The following HAPLN3 variants were observed in gnomAD, a reference collection of about 807,000 sequenced individuals.
HAPLN3 encodes hyaluronan and proteoglycan link protein 3.
In HAPLN3, 28 loss-of-function variants were observed where a neutral mutation model predicts 28.1. The ratio of observed to expected loss-of-function variants is 1.00; its 90% CI spans 0.74 to 1.37. The LOEUF (loss-of-function observed/expected upper bound fraction) is 1.37, where lower values mean the gene tolerates loss of function less well. HAPLN3 is among the 40% of genes most tolerant of loss of function. The pLI, the probability that HAPLN3 is intolerant of heterozygous loss-of-function variation, is 0.00. For missense variants in HAPLN3, 513 were observed against 504.6 expected (o/e 1.02, Z -0.16); for synonymous variants, 211 against 213.1 (o/e 0.99, Z 0.09).
chr15:88,878,606 C>T (rs1474641773), intron 4 of HAPLN3, among the ~76,000 whole-genome samples: 1 of 152,230 alleles, frequency 6.6e-6, no homozygotes, highest in Non-Finnish European at 1.5e-5. Context: ...GCATATGACA[C>T]TGAACCAGTT....
chr15:88,887,830 T>G (rs780825463), intron 1 of HAPLN3, among the ~76,000 whole-genome samples: 1 of 151,670 alleles, frequency 6.6e-6, no homozygotes, highest in African/African-American at 2.4e-5. Context: ...AGGCATGGTG[T>G]CACATGTCTG....
rs750275528 is a variant in HAPLN3 at position 88,881,660 on chromosome 15, C to T, written c.190G>A (p.Ala64Thr). 19 of 1,613,604 alleles carry T rather than the reference C, an allele frequency of 1.2e-5. No homozygotes were observed. The highest frequency in any genetic ancestry group is 2.7e-5 in the African/African-American group (2 of 74,916). ...PEETLFTYQG[A>T]SVILPCRYRY... ...TAGCGGCAGGGCAGGATCACACTGGCCCCTTGGTAGGTGAACAGGGTCTCC... is the reference window on the plus strand; with the variant it reads ...TAGCGGCAGGGCAGGATCACACTGGTCCCTTGGTAGGTGAACAGGGTCTCC... Residue 64 changes from alanine to threonine, a missense_variant, in exon 3 of 5, where the codon GCC becomes ACC. Physicochemically the swap from Ala to Thr is moderately conservative, Grantham distance 58. Coordinates refer to ENST00000359595, the MANE Select transcript of HAPLN3 (RefSeq NM_178232.4). The surrounding 1 kb of genome is among the most constrained non-coding windows in gnomAD (Gnocchi z 6.0).
intron 1 of HAPLN3, among the ~76,000 whole-genome samples, chr15:88,889,148 C>T (rs560732599): frequency 6.6e-6 from 1 of 152,308 alleles, no homozygotes; most frequent in South Asian, 2.1e-4. Flanking sequence ...CTCTGCGTCC[C>T]CCACTTCCTT....
rs1332615947 is a variant in HAPLN3, at chr15:88,879,643, G to A, written c.494-374C>T. 1.4e-5 allele frequency: 17 copies of A among 1,236,674 alleles called. No homozygotes were observed. The highest frequency in any genetic ancestry group is 1.6e-5 in the African/African-American group (1 of 64,462). The allele number at this position is 1,236,674 out of a possible 1,614,324, so 76.6% of individuals were successfully genotyped here. On this transcript the variant is annotated intron_variant, in intron 3 of 4. Transcript: ENST00000359595. This position sits in a 1 kb window ranked among gnomAD's most constrained non-coding sequence, Gnocchi z 5.0. ...AGGTTTGACTCCCAGCTCCCCACTC[G>A]TTAGCTGGGACCCGATCGTCTACGT... is the stretch of plus-strand genomic sequence containing the variant.
intron 1 of HAPLN3, chr15:88,892,987 A>G (rs1219044218): frequency 6.5e-7 from 1 of 1,535,680 alleles, no homozygotes; most frequent in East Asian, 2.4e-5. Context: ...GGCAGTGGAT[A>G]GTTCCCCAAA....
chr15:88,881,689 G>T lies in HAPLN3; in HGVS notation c.161C>A (p.Pro54His), dbSNP rs1332536431. 2 of 1,613,520 alleles carry T rather than the reference G, an allele frequency of 1.2e-6. No homozygotes were observed. The highest frequency in any genetic ancestry group is 2.2e-5 in the South Asian group (2 of 91,030). Residue 54 changes from proline (P) to histidine (H), a missense_variant, in exon 3 of 5, where the codon CCC becomes CAC. Pro to His is a moderately conservative substitution (Grantham distance 77). Transcript: ENST00000359595. The surrounding 1 kb of genome is among the most constrained non-coding windows in gnomAD (Gnocchi z 6.0). ...LNGVKLVVET[P>H]EETLFTYQGA... ...TTGGTAGGTGAACAGGGTCTCCTCGGGTGTCTCCACCACCAGCTTCACTCC... is the reference window on the plus strand; with the variant it reads ...TTGGTAGGTGAACAGGGTCTCCTCGTGTGTCTCCACCACCAGCTTCACTCC...
chr15:88,893,809 T>A (rs1898079923), intron 1 of HAPLN3, among the ~76,000 whole-genome samples: 1 of 151,600 alleles, frequency 6.6e-6, no homozygotes, highest in African/African-American at 2.4e-5. Context: ...GCGCTTGTAG[T>A]CCCAGCTACT....
Position 88,879,246 on chromosome 15 carries a change from G to A in HAPLN3, c.517C>T (p.Pro173Ser). ...AAGTTGAACTGGTAGCGCCCGTTGGGGGACTGGTAAGGAAAGACCACACCT... is the reference window on the plus strand; with the variant it reads ...AAGTTGAACTGGTAGCGCCCGTTGGAGGACTGGTAAGGAAAGACCACACCT... ...LRGVVFPYQS[P>S]NGRYQFNFHE... Residue 173 changes from proline (P) to serine (S), a missense_variant, in exon 4 of 5, where the codon CCC becomes TCC. Transcript: ENST00000359595. This position sits in a 1 kb window ranked among gnomAD's most constrained non-coding sequence, Gnocchi z 5.0. The A allele has an allele frequency of 1.2e-6, 2 of 1,608,502 alleles. No homozygotes were observed. Among genetic ancestry groups the A allele is most frequent in the African/African-American group, 1.3e-5 (1 of 75,002 alleles).
intron 2 of HAPLN3, among the ~76,000 whole-genome samples, chr15:88,886,725 C>T (rs150326698): frequency 0.018 from 2,673 of 150,704 alleles, 97 homozygotes; most frequent in African/African-American, 0.061. Context: ...CTCGGGAGGC[C>T]GAGGCAGGAG....
intron 1 of HAPLN3, chr15:88,892,894 C>T: frequency 6.8e-7 from 1 of 1,463,186 alleles, no homozygotes; most frequent in Non-Finnish European, 9.2e-7. Context: ...CCTACCATGG[C>T]TATCCAGCCA....
rs1441856944 is a variant in HAPLN3 at position 88,895,382 on chromosome 15, C to T, written c.-48+77G>A. The stretch of plus-strand genomic sequence containing the variant: ...CCTGCCCGGGAGGTGTGGGGACCCG[C>T]AGGGCACCCAAAGCGGTAAGGGAGG... On this transcript the variant is annotated intron_variant, in intron 1 of 4. Coordinates refer to ENST00000359595, the MANE Select transcript of HAPLN3 (RefSeq NM_178232.4). The surrounding 1 kb of genome is among the most constrained non-coding windows in gnomAD (Gnocchi z 5.5). 1 of 152,538 alleles carries T rather than the reference C, an allele frequency of 6.6e-6. No individual in the cohort carries two copies. The highest frequency in any genetic ancestry group is 1.5e-5 in the Non-Finnish European group (1 of 68,380). The allele number at this position is 152,538 out of a possible 1,614,324, so 9.4% of individuals were successfully genotyped here. A position where few individuals can be genotyped will look rare whatever the true frequency, so the allele number is the denominator to read the frequency against.
In HAPLN3 at chr15:88,879,306, AG is replaced by A. The variant is rs1169263678; in HGVS notation, c.494-38del. On this transcript the variant is annotated intron_variant, in intron 3 of 4. Coordinates refer to ENST00000359595, the MANE Select transcript of HAPLN3 (RefSeq NM_178232.4). The surrounding 1 kb of genome is among the most constrained non-coding windows in gnomAD (Gnocchi z 5.0). ...GGAAAGAGGAGCTTAGGGGGTGGCC[AG>A]GGGCCCAGCTGGCTGGACACCCCGC... The A allele has an allele frequency of 8.7e-6, 14 of 1,602,694 alleles. No individual in the cohort carries two copies. The highest frequency in any genetic ancestry group is 1.1e-5 in the Non-Finnish European group (13 of 1,177,724).
chr15:88,882,957 A>T (rs1897747059), intron 2 of HAPLN3, among the ~76,000 whole-genome samples: 1 of 152,170 alleles, frequency 6.6e-6, no homozygotes. Flanking sequence ...GTGAGTCATG[A>T]TCGCACCACT....
chr15:88,878,322 C>G (rs1897593364), intron 4 of HAPLN3, 66 bp from the exon 5 acceptor site: 2 of 1,436,656 alleles, frequency 1.4e-6, no homozygotes, highest in Non-Finnish European at 1.9e-6. Flanking sequence ...GCGGGGTCTG[C>G]AGAGATGCCA....
chr15:88,887,134 C>G, intron 2 of HAPLN3, 41 bp downstream of exon 2: 1 of 1,611,074 alleles, frequency 6.2e-7, no homozygotes, highest in South Asian at 1.1e-5. Context: ...AGGTCTAGGT[C>G]ACCCAGGGGA....
chr15:88,881,151 G>C lies in HAPLN3; in HGVS notation c.493+206C>G. On this transcript the variant is annotated intron_variant, in intron 3 of 4. Transcript: ENST00000359595. This position sits in a 1 kb window ranked among gnomAD's most constrained non-coding sequence, Gnocchi z 6.0. ...ACCCCAGCTCTGTCGTTTACAAGCT[G>C]TGTGACCTTAGGTAAGTTACTTGAC... is the stretch of plus-strand genomic sequence containing the variant. 1.6e-6 allele frequency: 1 copy of C among 635,966 alleles called. No individual in the cohort carries two copies. Among genetic ancestry groups the C allele is most frequent in the Non-Finnish European group, 2.7e-6 (1 of 377,032 alleles). The allele number at this position is 635,966 out of a possible 1,614,324, so 39.4% of individuals were successfully genotyped here. A position where few individuals can be genotyped will look rare whatever the true frequency, so the allele number is the denominator to read the frequency against.
chr15:88,890,809 G>A (rs1341860963), intron 1 of HAPLN3, among the ~76,000 whole-genome samples: 2 of 152,124 alleles, frequency 1.3e-5, no homozygotes, highest in African/African-American at 4.8e-5. Flanking sequence ...CATCAGCCCT[G>A]GACCTCCTCC....
At chr15:88,893,584 A>G (rs1158842908) in intron 1 of HAPLN3, among the ~76,000 whole-genome samples, 1 of 152,054 alleles carries the variant, frequency 6.6e-6, no homozygotes, top group Non-Finnish European at 1.5e-5. Flanking sequence ...ACCCTCTGTC[A>G]TTGGACAAGT....
In HAPLN3 at chr15:88,887,240, A is replaced by G. The variant is rs1897885092; in HGVS notation, c.59T>C (p.Phe20Ser). ...LLLPGSYGLP[F>S]YNGFYYSNSA... ...GTTGGAGTAGTAGAAGCCGTTGTAG[A>G]AGGGCAGTCCGTAGGAGCCGGGCAG... is the stretch of plus-strand genomic sequence containing the variant. The change falls in exon 2 of 5, where the codon TTC becomes TCC. Residue 20 changes from phenylalanine to serine, a missense_variant. Coordinates refer to ENST00000359595, the MANE Select transcript of HAPLN3 (RefSeq NM_178232.4). 1 of 1,614,014 alleles carries G rather than the reference A, an allele frequency of 6.2e-7. No individual in the cohort carries two copies. Among genetic ancestry groups the G allele is most frequent in the Non-Finnish European group, 8.5e-7 (1 of 1,180,024 alleles).
Sources: allele counts gnomAD v4.1 joint callset (sites outside exome capture counted in the v4.1 genomes callset), GRCh38; gene constraint gnomAD v4.1.1; non-coding constraint Gnocchi (gnomAD v3.1); transcripts MANE v1.5; gene names NCBI Gene and HGNC (gene_info 2026-07-23, HGNC 2026-07-21).